The following UBAP2 variants were observed in gnomAD, a reference collection of about 807,000 sequenced individuals.
UBAP2 encodes ubiquitin-associated protein 2.
UBAP2 carries 75 observed loss-of-function variants against 139.6 expected under a neutral mutation model. That is an observed-to-expected ratio of 0.54 (90% CI 0.45 to 0.65). UBAP2 has a LOEUF of 0.65. Ranked by LOEUF, UBAP2 falls within the 30% of genes least tolerant of loss-of-function variation. The pLI is 0.00. For missense variants in UBAP2, 1,368 were observed against 1,369.6 expected, an observed-to-expected ratio of 1.00 and a Z score of 0.02; for synonymous variants, 526 against 526.2, an observed-to-expected ratio of 1.00 and a Z score of 0.01.
At chr9:33,926,471 G>T in intron 22 of UBAP2, 146 bp downstream of exon 22, 1 of 874,940 alleles carries the variant, frequency 1.1e-6, no homozygotes, top group Non-Finnish European at 1.9e-6. Context: ...ACCGCCAGAT[G>T]AAAACAGCTT....
chr9:33,949,193 A>T (rs77973489), intron 12 of UBAP2, among the ~76,000 whole-genome samples: 29,705 of 149,946 alleles, frequency 0.2, 3,528 homozygotes, highest in East Asian at 0.58. Context: ...AATAAATAAA[A>T]ATAAAATAAA....
Position 34,016,359 on chromosome 9 carries a change from G to GGCA in UBAP2, c.99+690_99+691insTGC, listed in dbSNP as rs1217557411. 4.6e-3 allele frequency among the ~76,000 whole-genome samples: 367 copies of GGCA among 79,244 alleles called. 4 individuals carry two copies. Among genetic ancestry groups the GGCA allele is most frequent in the African/African-American group, 0.014 (332 of 23,850 alleles). The allele number at this position is 79,244 out of a possible 152,430, so 52.0% of individuals were successfully genotyped here. On this transcript the variant is annotated intron_variant, in intron 2 of 28. Coordinates refer to ENST00000379238, the MANE Select transcript of UBAP2 (RefSeq NM_001370062.2). ...AGGAGGAAGAGGAGGAGGCAGCAGC[G>GGCA]GCGGCAGCGGCGGTGGTGGTGGTGG...
At chr9:34,026,309 T>C (rs1825396379) in intron 1 of UBAP2, among the ~76,000 whole-genome samples, 1 of 152,222 alleles carries the variant, frequency 6.6e-6, no homozygotes, top group Admixed American at 6.6e-5. Context: ...GTTGACACAC[T>C]TGTGCAAAGT....
At chr9:33,952,148 A>T (rs1405071865) in intron 12 of UBAP2, among the ~76,000 whole-genome samples, 1 of 152,210 alleles carries the variant, frequency 6.6e-6, no homozygotes, top group Non-Finnish European at 1.5e-5. Context: ...CTCAGCAATA[A>T]ATTTCAGGAA....
intron 2 of UBAP2, among the ~76,000 whole-genome samples, chr9:34,014,368 C>T (rs539947385): frequency 2.0e-4 from 30 of 147,704 alleles, no homozygotes; most frequent in East Asian, 1.4e-3. Flanking sequence ...CGGTGGCTCA[C>T]GCCTATAATC....
intron 4 of UBAP2, 114 bp downstream of exon 4, chr9:33,996,109 T>C (rs1278160266): frequency 2.8e-6 from 2 of 711,480 alleles, no homozygotes; most frequent in East Asian, 2.7e-5. Context: ...TTAAAACAAA[T>C]ATGGAATGGC....
chr9:34,042,336 G>A (rs1006722792), intron 1 of UBAP2, among the ~76,000 whole-genome samples: 4 of 151,928 alleles, frequency 2.6e-5, no homozygotes, highest in African/African-American at 9.7e-5. Context: ...AAATTAGCCA[G>A]GCGTGGTGGC....
chr9:33,923,533 T>C lies in UBAP2; in HGVS notation c.2797-55A>G, dbSNP rs2296365. On this transcript the variant is annotated intron_variant, in intron 24 of 28. Transcript: ENST00000379238. ...GTAGGAAGAGGCAAGCTGAGGCTGG[T>C]CAGGTACCCCTGCCAGAGCCTAAGG... The C allele has an allele frequency of 0.01, 16,188 of 1,560,816 alleles. 620 individuals carry two copies. The East Asian group carries it at 0.13, about 13-fold the overall frequency.
chr9:33,945,609 G>A lies in UBAP2; in HGVS notation c.1271-970C>T, dbSNP rs368978844. 1.3e-4 allele frequency among the ~76,000 whole-genome samples: 20 copies of A among 152,224 alleles called. No homozygotes were observed. In the East Asian group the frequency reaches 3.1e-3, roughly 23 times the overall value. ...CTCCACAAAGGCAAACACTGTACCC[G>A]GTTTTCCTGAATGTCTCTTTCAGAG... On this transcript the variant is annotated intron_variant, in intron 13 of 28. Transcript: ENST00000379238.
At chr9:33,924,123 C>G in intron 23 of UBAP2, 83 bp downstream of exon 23, 1 of 1,587,554 alleles carries the variant, frequency 6.3e-7, no homozygotes, top group Non-Finnish European at 8.6e-7. Context: ...AGGCCTCTCT[C>G]AGCTTGCTGT....
chr9:34,031,387 C>T (rs1825876622), intron 1 of UBAP2, among the ~76,000 whole-genome samples: 1 of 152,048 alleles, frequency 6.6e-6, no homozygotes, highest in African/African-American at 2.4e-5. Flanking sequence ...TGGCTTACTG[C>T]AACCTCTACT....
chr9:33,965,595 T>A (rs566472857), intron 8 of UBAP2, among the ~76,000 whole-genome samples: 1 of 152,242 alleles, frequency 6.6e-6, no homozygotes, highest in East Asian at 1.9e-4. Flanking sequence ...AAGTGTAACC[T>A]TGGAGGGTAA....
intron 22 of UBAP2, among the ~76,000 whole-genome samples, chr9:33,925,178 G>A (rs1370788926): frequency 6.6e-6 from 1 of 152,146 alleles, no homozygotes; most frequent in African/African-American, 2.4e-5. Flanking sequence ...CAAAGCCCTT[G>A]GGCTGTGCCC....
At chr9:33,961,694 GAAGA>G (rs1348738241) in intron 9 of UBAP2, among the ~76,000 whole-genome samples, 1 of 152,132 alleles carries the variant, frequency 6.6e-6, no homozygotes, top group African/African-American at 2.4e-5. Flanking sequence ...TCCTTCATAA[GAAGA>G]AAGGAGTTAA....
chr9:34,030,664 C>T (rs1199881586), intron 1 of UBAP2, among the ~76,000 whole-genome samples: 2 of 152,126 alleles, frequency 1.3e-5, no homozygotes, highest in Non-Finnish European at 2.9e-5. Context: ...CGGTGGCTCA[C>T]GCCTGTAATC....
At chr9:33,960,088 C>T (rs1024427773) in intron 10 of UBAP2, among the ~76,000 whole-genome samples, 6 of 152,120 alleles carry the variant, frequency 3.9e-5, no homozygotes, top group African/African-American at 1.2e-4. Flanking sequence ...CAACCCCACA[C>T]CCAGGTAATT....
intron 6 of UBAP2, among the ~76,000 whole-genome samples, chr9:33,976,478 C>A (rs1437055400): frequency 6.6e-6 from 1 of 152,140 alleles, no homozygotes; most frequent in East Asian, 1.9e-4. Context: ...ATGTCCAGAA[C>A]ACAAAAACCT....
chr9:33,940,921 G>A (rs532961349), intron 16 of UBAP2, among the ~76,000 whole-genome samples: 4 of 152,282 alleles, frequency 2.6e-5, no homozygotes, highest in East Asian at 3.9e-4. Flanking sequence ...AAAAATTAGC[G>A]CAACTTTCTT....
intron 6 of UBAP2, among the ~76,000 whole-genome samples, chr9:33,976,726 G>A (rs1214689869): frequency 6.6e-6 from 1 of 152,272 alleles, no homozygotes; most frequent in East Asian, 1.9e-4. Flanking sequence ...GCTGGGAGCA[G>A]TGGCTCGTGG....
Sources: gnomAD v4.1 joint callset for allele counts (sites outside exome capture counted in the v4.1 genomes callset) on GRCh38, gnomAD v4.1.1 for gene constraint, MANE v1.5 for transcripts, NCBI Gene and HGNC (gene_info 2026-07-23, HGNC 2026-07-21) for gene names.